CTNNBL1: variants seen among roughly 807,000 people sequenced by gnomAD.
CTNNBL1 encodes beta-catenin-like protein 1.
Under a neutral mutation model 72.7 loss-of-function variants are expected in CTNNBL1, and 31 were observed. The observed-to-expected ratio is 0.43, with a 90% CI of 0.32 to 0.58. The LOEUF is 0.58. CTNNBL1 is among the 20% of genes least tolerant of loss of function. CTNNBL1 has a pLI of 0.08. For synonymous variants in CTNNBL1, 240 were observed against 267.3 expected, an observed-to-expected ratio of 0.90 and a Z score of 1.00; for missense variants, 534 against 725.1, an observed-to-expected ratio of 0.74 and a Z score of 3.03.
intron 1 of CTNNBL1, 51 bp from the exon 2 acceptor site, chr20:37,732,828 T>C: frequency 6.4e-7 from 1 of 1,562,180 alleles, no homozygotes; most frequent in Non-Finnish European, 8.7e-7. Context: ...CCACCACGCC[T>C]GGCTTCTATG....
At chr20:37,786,148 G>T (rs1315145852) in intron 10 of CTNNBL1, among the ~76,000 whole-genome samples, 1 of 152,196 alleles carries the variant, frequency 6.6e-6, no homozygotes, top group African/African-American at 2.4e-5. Context: ...CTGGTGCTGG[G>T]GGAGGGGTGA....
At chr20:37,748,021 G>A (rs1034865415) in intron 4 of CTNNBL1, among the ~76,000 whole-genome samples, 2 of 152,218 alleles carry the variant, frequency 1.3e-5, no homozygotes, top group Non-Finnish European at 2.9e-5. Context: ...GGCTTTTGAT[G>A]TGCCTGTGGA....
chr20:37,697,089 A>G (rs1294100491), intron 1 of CTNNBL1, among the ~76,000 whole-genome samples: 1 of 152,006 alleles, frequency 6.6e-6, no homozygotes, highest in Non-Finnish European at 1.5e-5. Context: ...AGGCTGAGGC[A>G]GGAGAATTGC....
At chr20:37,725,103 C>T (rs1248424682) in intron 1 of CTNNBL1, among the ~76,000 whole-genome samples, 4 of 151,752 alleles carry the variant, frequency 2.6e-5, no homozygotes, top group Non-Finnish European at 4.4e-5. Context: ...GACAGGTCCT[C>T]ACTATGTTGC....
At chr20:37,836,843 G>A (rs2072258541) in intron 11 of CTNNBL1, among the ~76,000 whole-genome samples, 1 of 152,138 alleles carries the variant, frequency 6.6e-6, no homozygotes, top group Non-Finnish European at 1.5e-5. Context: ...ATCATACAAT[G>A]AGAAATTTGG....
In CTNNBL1 at chr20:37,864,189, CG is replaced by C. The variant is rs199966619; in HGVS notation, c.1603+3846del. ...CCATCTGGTTCTCCTTTTCATACCA[CG>C]CCCCCCCCACCCCACCCTTCCTTCA... is the stretch of plus-strand genomic sequence containing the variant. On this transcript the variant is annotated intron_variant, in intron 15 of 15. Coordinates refer to ENST00000361383, the MANE Select transcript of CTNNBL1 (RefSeq NM_030877.5). 6.5e-3 allele frequency among the ~76,000 whole-genome samples: 940 copies of C among 144,030 alleles called. 17 individuals are homozygous for C. Among genetic ancestry groups the C allele is most frequent in the African/African-American group, 0.026 (902 of 34,052 alleles). The allele number at this position is 144,030 out of a possible 152,430, so 94.5% of individuals were successfully genotyped here.
intron 7 of CTNNBL1, among the ~76,000 whole-genome samples, chr20:37,768,755 A>C (rs2073495105): frequency 6.6e-6 from 1 of 152,032 alleles, no homozygotes; most frequent in South Asian, 2.1e-4. Context: ...ACTGTGCCTA[A>C]TTTAGAAACT....
intron 11 of CTNNBL1, among the ~76,000 whole-genome samples, chr20:37,831,224 G>A (rs2072206534): frequency 6.6e-6 from 1 of 152,224 alleles, no homozygotes; most frequent in African/African-American, 2.4e-5. Context: ...AACTTCCAGT[G>A]TGTAGCCACT....
chr20:37,799,155 A>G (rs1446079882), intron 10 of CTNNBL1, among the ~76,000 whole-genome samples: 1 of 152,078 alleles, frequency 6.6e-6, no homozygotes, highest in East Asian at 1.9e-4. Context: ...TTGTTGCCAG[A>G]GTCTCCTAAC....
chr20:37,770,964 A>G (rs1308828396), intron 7 of CTNNBL1, among the ~76,000 whole-genome samples: 1 of 152,154 alleles, frequency 6.6e-6, no homozygotes, highest in Non-Finnish European at 1.5e-5. Flanking sequence ...GGGGAATGTT[A>G]TAATCTTCAT....
chr20:37,845,411 G>A (rs982369792), intron 13 of CTNNBL1, among the ~76,000 whole-genome samples: 1 of 152,244 alleles, frequency 6.6e-6, no homozygotes, highest in Non-Finnish European at 1.5e-5. Flanking sequence ...GAGCTGCTGT[G>A]TGCCACGGGC....
intron 1 of CTNNBL1, among the ~76,000 whole-genome samples, chr20:37,718,468 C>A (rs1600441776): frequency 1.5e-5 from 2 of 135,310 alleles, no homozygotes; most frequent in South Asian, 2.4e-4. Flanking sequence ...GGGGCTGACC[C>A]CCCCACCTCC....
At chr20:37,803,436 T>C (rs2073838803) in intron 11 of CTNNBL1, among the ~76,000 whole-genome samples, 1 of 152,214 alleles carries the variant, frequency 6.6e-6, no homozygotes. Flanking sequence ...TAAAGTATGA[T>C]TCAGCCAACA....
chr20:37,815,315 CT>C (rs778453405), intron 11 of CTNNBL1, among the ~76,000 whole-genome samples: 318 of 139,008 alleles, frequency 2.3e-3, no homozygotes, highest in Non-Finnish European at 3.1e-3. Flanking sequence ...TTGGCTCCTC[CT>C]TTTTTTTTTT....
intron 10 of CTNNBL1, among the ~76,000 whole-genome samples, chr20:37,782,465 C>T (rs539275002): frequency 5.3e-5 from 8 of 152,170 alleles, no homozygotes; most frequent in Non-Finnish European, 7.4e-5. Context: ...GTAAAATGTA[C>T]GCATTTTAAG....
At chr20:37,708,138 A>G (rs1471031108) in intron 1 of CTNNBL1, among the ~76,000 whole-genome samples, 2 of 152,230 alleles carry the variant, frequency 1.3e-5, no homozygotes, top group African/African-American at 2.4e-5. Context: ...AAAATGTGAC[A>G]CAGACATGAA....
Position 37,707,400 on chromosome 20 carries a change from C to T in CTNNBL1, c.30+13248C>T, listed in dbSNP as rs1268624241. Among the ~76,000 whole-genome samples, 6 of 152,380 alleles carry T rather than the reference C, an allele frequency of 3.9e-5. No homozygotes were observed. In the South Asian group the frequency reaches 8.3e-4, roughly 21 times the overall value. On this transcript the variant is annotated intron_variant, in intron 1 of 15. Transcript: ENST00000361383. ...TCTGACTAACTTGCTGCAGCTTCTA[C>T]ATCAGCACTTCTGGGTTCACCTTGC...
intron 1 of CTNNBL1, among the ~76,000 whole-genome samples, chr20:37,722,249 G>A (rs1392681316): frequency 1.3e-5 from 2 of 152,178 alleles, no homozygotes; most frequent in African/African-American, 2.4e-5. Flanking sequence ...CAAGGCAGGC[G>A]GATCATTTGA....
chr20:37,729,968 G>C (rs757342585), intron 1 of CTNNBL1, among the ~76,000 whole-genome samples: 3 of 152,152 alleles, frequency 2.0e-5, no homozygotes, highest in Non-Finnish European at 2.9e-5. Context: ...TTATCATCTA[G>C]CTCAGGGAGA....
Sources: gnomAD v4.1 joint callset for allele counts (sites outside exome capture counted in the v4.1 genomes callset) on GRCh38, gnomAD v4.1.1 for gene constraint, MANE v1.5 for transcripts, NCBI Gene and HGNC (gene_info 2026-07-23, HGNC 2026-07-21) for gene names.